Variants in TMEM248 observed in about 807,000 individuals in gnomAD.
TMEM248 encodes transmembrane protein 248.
Under a neutral mutation model 30.3 loss-of-function variants are expected in TMEM248, and 9 were observed. The ratio of observed to expected loss-of-function variants is 0.30; its 90% CI spans 0.18 to 0.52. TMEM248 has a LOEUF of 0.52. Ranked by LOEUF, TMEM248 falls within the 20% of genes least tolerant of loss-of-function variation. The pLI is 0.97. For missense variants in TMEM248, 338 were observed against 403.3 expected (o/e 0.84, Z 1.39); for synonymous variants, 184 against 154.4 (o/e 1.19, Z -1.42).
intron 1 of TMEM248, among the ~76,000 whole-genome samples, chr7:66,936,413 G>A (rs532865407): frequency 6.6e-6 from 1 of 152,222 alleles, no homozygotes; most frequent in South Asian, 2.1e-4. Flanking sequence ...AATCCCACTT[G>A]GTCATGATGA....
chr7:66,942,916 T>C (rs1163328476), intron 2 of TMEM248, among the ~76,000 whole-genome samples: 2 of 151,318 alleles, frequency 1.3e-5, no homozygotes, highest in African/African-American at 2.4e-5. Flanking sequence ...GGTTGCCGCA[T>C]TGAGTGTGCC....
intron 1 of TMEM248, among the ~76,000 whole-genome samples, chr7:66,939,802 CGTT>C (rs1234411485): frequency 1.3e-5 from 2 of 151,192 alleles, no homozygotes; most frequent in South Asian, 2.1e-4. Flanking sequence ...TCTCCGCTCT[CGTT>C]GGGCTCATAA....
chr7:66,953,134 A>T, intron 5 of TMEM248, 92 bp from the exon 6 acceptor site: 1 of 1,416,050 alleles, frequency 7.1e-7, no homozygotes, highest in Non-Finnish European at 9.6e-7. Flanking sequence ...GCAAGTCTGG[A>T]GGCTGTCAAT....
chr7:66,947,659 C>G (rs1397926375), intron 3 of TMEM248, among the ~76,000 whole-genome samples: 1 of 152,152 alleles, frequency 6.6e-6, no homozygotes, highest in Non-Finnish European at 1.5e-5. Context: ...GCCTCAGCCT[C>G]CCAAAGTGCT....
chr7:66,942,772 C>T (rs922999527), intron 2 of TMEM248, among the ~76,000 whole-genome samples: 3 of 150,406 alleles, frequency 2.0e-5, no homozygotes, highest in African/African-American at 4.9e-5. Context: ...CTGGGATTAC[C>T]GGTGTGAGCC....
chr7:66,942,230 G>A (rs553097099), intron 2 of TMEM248, among the ~76,000 whole-genome samples: 1 of 152,316 alleles, frequency 6.6e-6, no homozygotes, highest in South Asian at 2.1e-4. Context: ...ATTTAAATAT[G>A]CTACCAGTTT....
intron 3 of TMEM248, 150 bp downstream of exon 3, chr7:66,945,411 T>A: frequency 1.2e-6 from 1 of 836,008 alleles, no homozygotes; most frequent in Non-Finnish European, 1.8e-6. Flanking sequence ...CATGAACCAT[T>A]TCTGTTCCAT....
In TMEM248 at chr7:66,941,561, AACACACACAC is replaced by A. The variant is rs72442084; in HGVS notation, c.-18-259_-18-250del. On this transcript the variant is annotated intron_variant, in intron 1 of 6. Transcript: ENST00000341567. ...CAGAACGAGAGACCCTGTTTCTTAA[AACACACACAC>A]ACACACACACACACACACACACACA... 7.5e-3 allele frequency among the ~76,000 whole-genome samples: 1,076 copies of A among 142,774 alleles called. 13 individuals carry two copies. The highest frequency in any genetic ancestry group is 0.025 in the African/African-American group (973 of 38,606). 93.7% of individuals were successfully genotyped at this position (142,774 alleles called of 152,430 possible). A position where few individuals can be genotyped will look rare whatever the true frequency, so the allele number is the denominator to read the frequency against.
chr7:66,943,239 T>C (rs1057218710), intron 2 of TMEM248, among the ~76,000 whole-genome samples: 1 of 152,182 alleles, frequency 6.6e-6, no homozygotes, highest in African/African-American at 2.4e-5. Context: ...AAACTAAAGC[T>C]GCACAGCCTC....
intron 3 of TMEM248, among the ~76,000 whole-genome samples, chr7:66,946,698 G>A (rs564437923): frequency 6.6e-6 from 1 of 152,196 alleles, no homozygotes; most frequent in Non-Finnish European, 1.5e-5. Context: ...CTGCCACAAA[G>A]GAAATGCTAC....
intron 3 of TMEM248, among the ~76,000 whole-genome samples, chr7:66,948,246 A>G (rs186285018): frequency 6.6e-6 from 1 of 152,354 alleles, no homozygotes; most frequent in East Asian, 1.9e-4. Flanking sequence ...CTGTGCAGAA[A>G]TGCTGGGGAT....
At chr7:66,949,739 G>C (rs909114259) in intron 4 of TMEM248, among the ~76,000 whole-genome samples, 3 of 151,940 alleles carry the variant, frequency 2.0e-5, no homozygotes, top group Non-Finnish European at 4.4e-5. Flanking sequence ...AAACAATTAA[G>C]GTTTTTGAAG....
intron 6 of TMEM248, among the ~76,000 whole-genome samples, chr7:66,955,122 A>C (rs1281334303): frequency 6.6e-6 from 1 of 152,084 alleles, no homozygotes; most frequent in Non-Finnish European, 1.5e-5. Flanking sequence ...AATTAGCCAG[A>C]TGTAATGGTG....
intron 3 of TMEM248, among the ~76,000 whole-genome samples, chr7:66,947,753 A>G (rs1792149476): frequency 6.6e-6 from 1 of 151,134 alleles, no homozygotes; most frequent in Non-Finnish European, 1.5e-5. Flanking sequence ...TTTTAATTTA[A>G]TTTTTATTTA....
chr7:66,931,469 G>A (rs1048339130), intron 1 of TMEM248, among the ~76,000 whole-genome samples: 3 of 151,812 alleles, frequency 2.0e-5, no homozygotes, highest in Admixed American at 6.6e-5. Flanking sequence ...CTGATAAAAT[G>A]TTATTAAGTT....
intron 1 of TMEM248, among the ~76,000 whole-genome samples, chr7:66,927,507 C>T (rs780186194): frequency 4.0e-5 from 6 of 151,636 alleles, no homozygotes; most frequent in African/African-American, 9.7e-5. Context: ...TGACCATAGC[C>T]GTGGCTCACA....
At chr7:66,925,448 A>G (rs1318020994) in intron 1 of TMEM248, among the ~76,000 whole-genome samples, 1 of 152,142 alleles carries the variant, frequency 6.6e-6, no homozygotes, top group Non-Finnish European at 1.5e-5. Context: ...TTCTGTAACC[A>G]TAGTTCTGCT....
chr7:66,931,735 C>CCCAAAGT (rs1196967292), intron 1 of TMEM248, among the ~76,000 whole-genome samples: 1 of 151,336 alleles, frequency 6.6e-6, no homozygotes, highest in Non-Finnish European at 1.5e-5. Context: ...ATCTCAGCCT[C>CCCAAAGT]CCAAAGTGCT....
At chr7:66,934,194 T>C (rs904443799) in intron 1 of TMEM248, among the ~76,000 whole-genome samples, 13 of 151,296 alleles carry the variant, frequency 8.6e-5, no homozygotes, top group African/African-American at 3.1e-4. Flanking sequence ...ATTATTATTA[T>C]TATTTTATTA....
Sources: allele counts gnomAD v4.1 joint callset (sites outside exome capture counted in the v4.1 genomes callset), GRCh38; gene constraint gnomAD v4.1.1; transcripts MANE v1.5; gene names NCBI Gene and HGNC (gene_info 2026-07-23, HGNC 2026-07-21).